CAPN14: variants seen among roughly 807,000 people sequenced by gnomAD.
The protein encoded by CAPN14 is calpain 14.
In CAPN14, 94 loss-of-function variants were observed where a neutral mutation model predicts 101.3. The observed-to-expected ratio is 0.93, with a 90% confidence interval of 0.79 to 1.10. CAPN14 has a LOEUF of 1.10. CAPN14 is among the 50% of genes least tolerant of loss of function. The pLI, the probability that CAPN14 is intolerant of heterozygous loss-of-function variation, is 0.00. For synonymous variants in CAPN14, 338 were observed against 317.9 expected, an observed-to-expected ratio of 1.06 and a Z score of -0.67; for missense variants, 837 against 828.4, an observed-to-expected ratio of 1.01 and a Z score of -0.13.
intron 16 of CAPN14, among the ~76,000 whole-genome samples, chr2:31,183,492 A>T (rs1391770239): frequency 6.6e-6 from 1 of 152,142 alleles, no homozygotes; most frequent in East Asian, 1.9e-4. Flanking sequence ...ATTTACAAGA[A>T]AAAAACAAAC....
At chr2:31,197,176 T>A in intron 8 of CAPN14, 73 bp downstream of exon 8, 9 of 981,686 alleles carry the variant, frequency 9.2e-6, no homozygotes, top group Non-Finnish European at 1.4e-5. Flanking sequence ...CACATTTGAA[T>A]CTGTGTGCAA....
intron 13 of CAPN14, among the ~76,000 whole-genome samples, chr2:31,188,720 T>C (rs1681033648): frequency 6.6e-6 from 1 of 152,106 alleles, no homozygotes; most frequent in Non-Finnish European, 1.5e-5. Context: ...AAAACAATCA[T>C]AGGCAAAATA....
At chr2:31,214,979 TC>T (rs1558635721) in intron 1 of CAPN14, among the ~76,000 whole-genome samples, 3 of 24,838 alleles carry the variant, frequency 1.2e-4, no homozygotes, top group East Asian at 0.026. Context: ...CCCTGGGGCA[TC>T]ATCTCTTCTC....
At chr2:31,224,182 C>T (rs1446790532) in intron 2 of CAPN14, among the ~76,000 whole-genome samples, 1 of 152,168 alleles carries the variant, frequency 6.6e-6, no homozygotes, top group African/African-American at 2.4e-5. Flanking sequence ...AAACTGACTG[C>T]TTGCTCCTGA....
At chr2:31,192,207 C>G in intron 10 of CAPN14, 109 bp from the exon 11 acceptor site, 1 of 1,250,822 alleles carries the variant, frequency 8.0e-7, no homozygotes, top group South Asian at 1.7e-5. Context: ...AGGATTGACA[C>G]CCTGAGGCCC....
chr2:31,223,289 C>T (rs182645385), intron 2 of CAPN14, among the ~76,000 whole-genome samples: 1 of 152,328 alleles, frequency 6.6e-6, no homozygotes, highest in East Asian at 1.9e-4. Context: ...ATCTTTGGCT[C>T]ACCCTCTATC....
chr2:31,205,345 C>A lies in CAPN14; in HGVS notation c.103G>T (p.Ala35Ser). Residue 35 changes from alanine to serine, a missense_variant, in exon 2 of 22, where the codon GCA becomes TCA. Coordinates refer to ENST00000403897, the MANE Select transcript of CAPN14 (RefSeq NM_001145122.2). ...QPQQDFEALLAECLRNGCLFE... is the reference protein window; with the variant it reads ...QPQQDFEALLSECLRNGCLFE... ...AGGCAGCCATTCCTCAGGCACTCTG[C>A]CAGCAGGGCCTCAAAGTCCTGTTGG... is the stretch of plus-strand genomic sequence containing the variant. 6.4e-7 allele frequency: 1 copy of A among 1,551,392 alleles called. No individual in the cohort carries two copies. The highest frequency in any genetic ancestry group is 1.2e-5 in the South Asian group (1 of 84,040).
At chr2:31,219,464 C>A (rs1444530649), upstream of CAPN14, among the ~76,000 whole-genome samples, 1 of 152,200 alleles carries the variant, frequency 6.6e-6, no homozygotes, top group Non-Finnish European at 1.5e-5. Flanking sequence ...CAATCCTGAC[C>A]CACAGTGGGC....
chr2:31,232,990 G>T (rs999160176), intron 1 of CAPN14, among the ~76,000 whole-genome samples: 2 of 152,070 alleles, frequency 1.3e-5, no homozygotes, highest in African/African-American at 4.8e-5. Context: ...TCAACTTTCA[G>T]CAAGTTTATT....
At chr2:31,206,017 C>CTT (rs1467609221) in intron 1 of CAPN14, among the ~76,000 whole-genome samples, 5 of 141,096 alleles carry the variant, frequency 3.5e-5, no homozygotes, top group Non-Finnish European at 6.2e-5. Context: ...CCTACATTAT[C>CTT]TTTATTTTTT....
At chr2:31,200,253 C>G (rs565574503) in intron 6 of CAPN14, among the ~76,000 whole-genome samples, 198 bp downstream of exon 6, 1 of 152,292 alleles carries the variant, frequency 6.6e-6, no homozygotes, top group African/African-American at 2.4e-5. Context: ...GATCCGCCCA[C>G]CTGGGCCTCC....
At chr2:31,181,984 C>T (rs967408448) in intron 16 of CAPN14, among the ~76,000 whole-genome samples, 137 of 152,024 alleles carry the variant, frequency 9.0e-4, no homozygotes, top group African/African-American at 3.0e-3. Flanking sequence ...AATAAACATA[C>T]ATGTGCATGT....
chr2:31,210,226 G>A (rs936268720), intron 1 of CAPN14, among the ~76,000 whole-genome samples: 7 of 152,066 alleles, frequency 4.6e-5, no homozygotes, highest in Admixed American at 3.3e-4. Flanking sequence ...GGCGGATCAC[G>A]AGGTCAAGAG....
At chr2:31,204,815 G>A (rs1681985949) in intron 2 of CAPN14, among the ~76,000 whole-genome samples, 1 of 152,110 alleles carries the variant, frequency 6.6e-6, no homozygotes, top group Non-Finnish European at 1.5e-5. Context: ...TGAGTCCTGT[G>A]AGCCTCTCTA....
intron 17 of CAPN14, among the ~76,000 whole-genome samples, chr2:31,179,616 T>A (rs751603343): frequency 6.6e-6 from 1 of 152,244 alleles, no homozygotes; most frequent in Non-Finnish European, 1.5e-5. Flanking sequence ...AAATGCTATT[T>A]CTAGTTCTTG....
chr2:31,232,288 C>G (rs886634251), intron 1 of CAPN14, among the ~76,000 whole-genome samples: 8 of 152,150 alleles, frequency 5.3e-5, no homozygotes, highest in East Asian at 1.9e-4. Flanking sequence ...TGTGCCTCAC[C>G]CTTATGTCCT....
chr2:31,211,905 G>A (rs1189512087), intron 1 of CAPN14, among the ~76,000 whole-genome samples: 1 of 152,144 alleles, frequency 6.6e-6, no homozygotes, highest in Non-Finnish European at 1.5e-5. Flanking sequence ...GGCTAGGAGA[G>A]GGAATTGCTC....
intron 2 of CAPN14, 135 bp from the exon 3 acceptor site, chr2:31,203,274 A>G (rs1161775430): frequency 3.1e-6 from 2 of 643,520 alleles, no homozygotes; most frequent in African/African-American, 1.8e-5. Context: ...AATCAGTGCT[A>G]TCCCAGAAGA....
At position 31,191,881 on chromosome 2, in the gene CAPN14, G is replaced by A. The variant is rs1001557702; in HGVS notation, c.1278+54C>T. 2.8e-6 allele frequency: 4 copies of A among 1,443,752 alleles called. No homozygotes were observed. In the South Asian group the frequency reaches 4.2e-5, roughly 15 times the overall value. 89.4% of individuals were successfully genotyped at this position (1,443,752 alleles called of 1,614,324 possible). ...CAGGAAACAGGAAGACATGGTAACT[G>A]TTGGTGACCCCCACGCTTGGTCCCA... is the stretch of plus-strand genomic sequence containing the variant. On this transcript the variant is annotated intron_variant, in intron 11 of 21. Coordinates refer to ENST00000403897, the MANE Select transcript of CAPN14 (RefSeq NM_001145122.2).
Sources: allele counts gnomAD v4.1 joint callset (sites outside exome capture counted in the v4.1 genomes callset), GRCh38; gene constraint gnomAD v4.1.1; transcripts MANE v1.5; gene names NCBI Gene and HGNC (gene_info 2026-07-23, HGNC 2026-07-21).